The following FBXO21 variants were observed in gnomAD, a reference collection of about 807,000 sequenced individuals.
FBXO21 encodes F-box only protein 21.
FBXO21 carries 32 observed loss-of-function variants against 76.6 expected under a neutral mutation model. The observed-to-expected ratio is 0.42, with a 90% CI of 0.32 to 0.56. The LOEUF (loss-of-function observed/expected upper bound fraction) is 0.56, where lower values mean the gene tolerates loss of function less well. Among genes scored for constraint, FBXO21 ranks in the 20% least tolerant of loss-of-function variants. The pLI is 0.16. For synonymous variants in FBXO21, 328 were observed against 311.5 expected, an observed-to-expected ratio of 1.05 and a Z score of -0.56; for missense variants, 586 against 797.3, an observed-to-expected ratio of 0.73 and a Z score of 3.19.
chr12:117,169,002 T>G (rs1956090198), intron 7 of FBXO21, among the ~76,000 whole-genome samples: 1 of 152,212 alleles, frequency 6.6e-6, no homozygotes, highest in Non-Finnish European at 1.5e-5. Context: ...TAAGTCATTC[T>G]ATTATAAAGT....
Position 117,144,094 on chromosome 12 carries a change from T to G in FBXO21, c.*1993A>C, listed in dbSNP as rs1955742420. 1 of 152,534 alleles carries G rather than the reference T, an allele frequency of 6.6e-6. No homozygotes were observed. Among genetic ancestry groups the G allele is most frequent in the South Asian group, 2.1e-4 (1 of 4,834 alleles). The allele number at this position is 152,534 out of a possible 1,614,324, so 9.4% of individuals were successfully genotyped here. A position where few individuals can be genotyped will look rare whatever the true frequency, so the allele number is the denominator to read the frequency against. On this transcript the variant is annotated 3_prime_UTR_variant, in exon 12 of 12. Coordinates refer to ENST00000622495, the MANE Select transcript of FBXO21 (RefSeq NM_015002.3). ...CATGAAGAAAGACATTTAAAAACAG[T>G]CTAGATACATATGTACAGCTGGGTC...
intron 4 of FBXO21, among the ~76,000 whole-genome samples, chr12:117,175,197 T>TA (rs1448493348): frequency 1.3e-4 from 20 of 151,396 alleles, no homozygotes; most frequent in Non-Finnish European, 2.7e-4. Context: ...GCAGTTCCTT[T>TA]AAAAAAACAA....
chr12:117,164,180 G>C (rs188381045), intron 9 of FBXO21, among the ~76,000 whole-genome samples: 26 of 151,810 alleles, frequency 1.7e-4, no homozygotes, highest in African/African-American at 6.3e-4. Context: ...AGCTTTGGTG[G>C]AAAGTTTTCT....
chr12:117,161,209 C>A (rs10850779), intron 9 of FBXO21, among the ~76,000 whole-genome samples: 1 of 151,928 alleles, frequency 6.6e-6, no homozygotes, highest in African/African-American at 2.4e-5. Context: ...AAGCTGACAG[C>A]TGGGCAGAAG....
intron 2 of FBXO21, among the ~76,000 whole-genome samples, chr12:117,187,933 T>C (rs898248163): frequency 3.9e-5 from 6 of 152,262 alleles, no homozygotes; most frequent in Non-Finnish European, 8.8e-5. Flanking sequence ...TAAATATTTA[T>C]AGAAACCAAT....
chr12:117,160,541 C>T (rs1217658718), intron 9 of FBXO21, among the ~76,000 whole-genome samples: 1 of 152,170 alleles, frequency 6.6e-6, no homozygotes, highest in African/African-American at 2.4e-5. Context: ...TCTCCAAATA[C>T]CTACTTTCAG....
chr12:117,182,235 T>TA (rs1370551808), intron 3 of FBXO21, among the ~76,000 whole-genome samples: 5 of 152,322 alleles, frequency 3.3e-5, no homozygotes, highest in African/African-American at 1.2e-4. Flanking sequence ...GGCTCACACT[T>TA]ATAGTCCTAG....
At chr12:117,161,563 G>A (rs1955976776) in intron 9 of FBXO21, among the ~76,000 whole-genome samples, 9 of 152,188 alleles carry the variant, frequency 5.9e-5, no homozygotes, top group Admixed American at 5.9e-4. Context: ...AGGACAAGCA[G>A]GAGGCCAGGG....
chr12:117,156,351 A>G (rs1955915149), intron 10 of FBXO21, among the ~76,000 whole-genome samples: 1 of 152,208 alleles, frequency 6.6e-6, no homozygotes, highest in Non-Finnish European at 1.5e-5. Context: ...CCGTAAAGGA[A>G]AAGACTAACC....
intron 9 of FBXO21, among the ~76,000 whole-genome samples, chr12:117,161,082 C>T (rs10850778): frequency 0.18 from 27,183 of 152,056 alleles, 3,129 homozygotes; most frequent in Admixed American, 0.34. Flanking sequence ...GATGACGGAG[C>T]AGCAGCTACC....
At chr12:117,168,291 C>T (rs1247477368) in intron 7 of FBXO21, among the ~76,000 whole-genome samples, 4 of 152,052 alleles carry the variant, frequency 2.6e-5, no homozygotes, top group Admixed American at 2.6e-4. Context: ...TTTGGGAGGC[C>T]AAGGCAGGCA....
At chr12:117,158,233 C>T (rs1325880728) in intron 9 of FBXO21, 170 bp from the exon 10 acceptor site, 19 of 696,082 alleles carry the variant, frequency 2.7e-5, no homozygotes, top group Non-Finnish European at 3.6e-5. Flanking sequence ...TCTGATGGAC[C>T]GCCACCAAAT....
chr12:117,158,847 G>T (rs577147169), intron 9 of FBXO21, among the ~76,000 whole-genome samples: 1 of 152,242 alleles, frequency 6.6e-6, no homozygotes, highest in South Asian at 2.1e-4. Flanking sequence ...GTGCCTCTGT[G>T]GAAAAAACTC....
At chr12:117,159,468 G>T (rs1186074387) in intron 9 of FBXO21, among the ~76,000 whole-genome samples, 1 of 152,142 alleles carries the variant, frequency 6.6e-6, no homozygotes, top group African/African-American at 2.4e-5. Context: ...TCATATCCTA[G>T]CAAGAGCAGG....
chr12:117,162,892 C>T (rs1186857309), intron 9 of FBXO21, among the ~76,000 whole-genome samples: 1 of 152,206 alleles, frequency 6.6e-6, no homozygotes, highest in Non-Finnish European at 1.5e-5. Flanking sequence ...GAGTCACGTA[C>T]TTTTCTGCCC....
chr12:117,147,408 G>T (rs1353317368), intron 11 of FBXO21, among the ~76,000 whole-genome samples: 2 of 151,228 alleles, frequency 1.3e-5, no homozygotes, highest in Non-Finnish European at 2.9e-5. Flanking sequence ...AGACCAGCCT[G>T]GCCAAGATGG....
At chr12:117,181,599 G>GAGTCTATCTATCTATCTATCTA (rs1555242787) in intron 3 of FBXO21, among the ~76,000 whole-genome samples, 1 of 145,536 alleles carries the variant, frequency 6.9e-6, no homozygotes, top group Non-Finnish European at 1.5e-5. Flanking sequence ...ATCTGAGACA[G>GAGTCTATCTATCTATCTATCTA]TCTATCTATC....
chr12:117,159,938 G>A lies in FBXO21; in HGVS notation c.1327-1875C>T, dbSNP rs577378943. Among the ~76,000 whole-genome samples, 26 of 152,286 alleles carry A rather than the reference G, an allele frequency of 1.7e-4. 2 individuals carry two copies. The highest frequency in any genetic ancestry group is 5.8e-4 in the African/African-American group (24 of 41,566). On this transcript the variant is annotated intron_variant, in intron 9 of 11. Coordinates refer to ENST00000622495, the MANE Select transcript of FBXO21 (RefSeq NM_015002.3). ...GGCAGAAATGAAGACATTGTGCCTC[G>A]GGGCCTGGCGTATTTGCAGACAGTG...
chr12:117,151,033 T>C (rs1302124141), intron 11 of FBXO21, among the ~76,000 whole-genome samples: 2 of 147,570 alleles, frequency 1.4e-5, no homozygotes, highest in East Asian at 4.0e-4. Flanking sequence ...GGGTGGAAAG[T>C]TGAGTTTGGA....
Sources: allele counts gnomAD v4.1 joint callset (sites outside exome capture counted in the v4.1 genomes callset), GRCh38; gene constraint gnomAD v4.1.1; transcripts MANE v1.5; gene names NCBI Gene and HGNC (gene_info 2026-07-23, HGNC 2026-07-21).